Variants in CTNNA3 observed in about 807,000 individuals in gnomAD.
CTNNA3 encodes catenin alpha-3.
In CTNNA3, 76 loss-of-function variants were observed where a neutral mutation model predicts 95.7. The observed-to-expected ratio is 0.79, with a 90% CI of 0.66 to 0.96. CTNNA3 has a LOEUF of 0.96. Among genes scored for constraint, CTNNA3 ranks in the 40% least tolerant of loss-of-function variants. The pLI is 0.00. For missense variants in CTNNA3, 1,191 were observed against 1,089.8 expected (o/e 1.09, Z -1.31); for synonymous variants, 431 against 374.4 (o/e 1.15, Z -1.74).
chr10:67,488,497 G>A (rs1039217689), intron 5 of CTNNA3, among the ~76,000 whole-genome samples: 1 of 152,012 alleles, frequency 6.6e-6, no homozygotes, highest in Non-Finnish European at 1.5e-5. Context: ...AGCCCCCTGA[G>A]TAGCTGGAAT....
At chr10:66,466,589 A>G (rs1257482751) in intron 11 of CTNNA3, among the ~76,000 whole-genome samples, 1 of 151,848 alleles carries the variant, frequency 6.6e-6, no homozygotes, top group African/African-American at 2.4e-5. Flanking sequence ...TTCTATGTTG[A>G]GCTTTTGCAT....
chr10:67,148,350 C>T (rs1397302633), intron 7 of CTNNA3, among the ~76,000 whole-genome samples: 1 of 152,170 alleles, frequency 6.6e-6, no homozygotes, highest in Non-Finnish European at 1.5e-5. Context: ...ATATACTTCT[C>T]CATGTGTGCC....
intron 9 of CTNNA3, among the ~76,000 whole-genome samples, chr10:66,758,150 T>C (rs12765410): frequency 0.017 from 2,520 of 152,270 alleles, 71 homozygotes; most frequent in Non-Finnish European, 0.016. Flanking sequence ...TACCTACATG[T>C]ATGAAACAAA....
intron 7 of CTNNA3, among the ~76,000 whole-genome samples, chr10:66,847,562 C>T (rs192886788): frequency 1.3e-5 from 2 of 152,194 alleles, no homozygotes; most frequent in Non-Finnish European, 2.9e-5. Flanking sequence ...TGCTTCAATT[C>T]CTCATCATTA....
intron 10 of CTNNA3, among the ~76,000 whole-genome samples, chr10:66,533,082 A>C (rs1000908007): frequency 4.6e-5 from 7 of 152,198 alleles, no homozygotes; most frequent in Admixed American, 1.3e-4. Flanking sequence ...CTAATTTCAC[A>C]AAATTCCTGC....
At chr10:67,119,118 C>T (rs557807740) in intron 7 of CTNNA3, among the ~76,000 whole-genome samples, 2 of 151,990 alleles carry the variant, frequency 1.3e-5, no homozygotes, top group South Asian at 2.1e-4. Context: ...ATTAGCTCTA[C>T]AAAATAACCA....
intron 17 of CTNNA3, among the ~76,000 whole-genome samples, chr10:65,937,964 CA>C (rs1051837263): frequency 6.6e-6 from 1 of 151,738 alleles, no homozygotes; most frequent in Non-Finnish European, 1.5e-5. Context: ...GTCCTATATC[CA>C]AAAAAACTCA....
chr10:66,819,836 G>T (rs1391963086), intron 7 of CTNNA3, among the ~76,000 whole-genome samples: 1 of 152,064 alleles, frequency 6.6e-6, no homozygotes, highest in Non-Finnish European at 1.5e-5. Flanking sequence ...GAAATAAAAA[G>T]GGTTGGCCAG....
intron 7 of CTNNA3, among the ~76,000 whole-genome samples, chr10:66,777,749 C>T: frequency 6.7e-6 from 1 of 148,542 alleles, no homozygotes; most frequent in East Asian, 2.0e-4. Context: ...GTGGGACAGA[C>T]AAAGAGACCT....
chr10:66,968,086 A>G (rs1203446179), intron 7 of CTNNA3, among the ~76,000 whole-genome samples: 2 of 152,064 alleles, frequency 1.3e-5, no homozygotes, highest in East Asian at 3.9e-4. Context: ...TTGCCCCATG[A>G]CTGCTGAGCC....
intron 11 of CTNNA3, among the ~76,000 whole-genome samples, chr10:66,513,640 A>C (rs1173557401): frequency 6.6e-6 from 1 of 152,164 alleles, no homozygotes; most frequent in East Asian, 1.9e-4. Context: ...TTAAGCCCTA[A>C]GTGGCACGTT....
At chr10:66,698,581 C>T (rs551850684) in intron 9 of CTNNA3, among the ~76,000 whole-genome samples, 2 of 152,302 alleles carry the variant, frequency 1.3e-5, no homozygotes, top group South Asian at 4.1e-4. Flanking sequence ...GTGTATCACA[C>T]TCACAAGATA....
intron 3 of CTNNA3, among the ~76,000 whole-genome samples, chr10:67,593,970 G>A (rs1842862303): frequency 6.6e-6 from 1 of 152,126 alleles, no homozygotes; most frequent in Non-Finnish European, 1.5e-5. Context: ...AAACTGAAAG[G>A]ATGTTGAATT....
chr10:66,281,653 C>T (rs191948962), intron 12 of CTNNA3, among the ~76,000 whole-genome samples: 1 of 151,750 alleles, frequency 6.6e-6, no homozygotes, highest in Non-Finnish European at 1.5e-5. Flanking sequence ...AATTATAAAC[C>T]TGGAAGATAG....
At chr10:67,720,129 CTTTTT>C (rs58074397) in intron 1 of CTNNA3, among the ~76,000 whole-genome samples, 77 of 6,614 alleles carry the variant, frequency 0.012, 9 homozygotes, top group Non-Finnish European at 0.021. Context: ...GCAACCCCTG[CTTTTT>C]TTTTTTTTTT....
At chr10:67,043,570 T>C (rs1406332212) in intron 7 of CTNNA3, among the ~76,000 whole-genome samples, 1 of 152,180 alleles carries the variant, frequency 6.6e-6, no homozygotes, top group East Asian at 1.9e-4. Context: ...GAATCTCACA[T>C]CTTTCCTCAG....
At chr10:66,784,246 T>G (rs760504497) in intron 7 of CTNNA3, among the ~76,000 whole-genome samples, 5 of 152,176 alleles carry the variant, frequency 3.3e-5, no homozygotes, top group Non-Finnish European at 7.4e-5. Context: ...TGTGAGAAAG[T>G]TAAATTAAAG....
intron 9 of CTNNA3, among the ~76,000 whole-genome samples, chr10:66,686,229 T>C (rs1223848756): frequency 6.6e-6 from 1 of 152,224 alleles, no homozygotes; most frequent in Non-Finnish European, 1.5e-5. Flanking sequence ...TCTTGAGGTA[T>C]ATGTAGTAAT....
At chr10:66,535,743 C>T (rs548611241) in intron 10 of CTNNA3, among the ~76,000 whole-genome samples, 37 of 152,180 alleles carry the variant, frequency 2.4e-4, no homozygotes, top group African/African-American at 8.4e-4. Context: ...CTGTATTTCT[C>T]CATAGTCAGC....
Sources: allele counts gnomAD v4.1 joint callset (sites outside exome capture counted in the v4.1 genomes callset), GRCh38; gene constraint gnomAD v4.1.1; transcripts MANE v1.5; gene names NCBI Gene and HGNC (gene_info 2026-07-23, HGNC 2026-07-21).